FAM117B: variants seen among roughly 807,000 people sequenced by gnomAD.
FAM117B encodes family with sequence similarity 117 member B.
FAM117B carries 22 observed loss-of-function variants against 52.8 expected under a neutral mutation model. The ratio of observed to expected loss-of-function variants is 0.42; its 90% confidence interval spans 0.30 to 0.59. The LOEUF is 0.59. Ranked by LOEUF, FAM117B falls within the 20% of genes least tolerant of loss-of-function variation. The pLI is 0.22. For synonymous variants in FAM117B, 309 were observed against 324.1 expected, an observed-to-expected ratio of 0.95 and a Z score of 0.50; for missense variants, 678 against 802.6, an observed-to-expected ratio of 0.84 and a Z score of 1.88.
At chr2:202,703,104 A>C (rs951186235) in intron 2 of FAM117B, among the ~76,000 whole-genome samples, 52 of 152,322 alleles carry the variant, frequency 3.4e-4, no homozygotes, top group Non-Finnish European at 1.8e-4. Flanking sequence ...AATGTTGTGC[A>C]ACCATTGCTA....
intron 1 of FAM117B, among the ~76,000 whole-genome samples, chr2:202,665,446 A>C (rs1301923426): frequency 6.6e-6 from 1 of 152,130 alleles, no homozygotes; most frequent in Non-Finnish European, 1.5e-5. Flanking sequence ...TTGTGATTAG[A>C]TTGGGCCCTC....
At chr2:202,684,339 A>G (rs543735377) in intron 1 of FAM117B, among the ~76,000 whole-genome samples, 4 of 152,346 alleles carry the variant, frequency 2.6e-5, no homozygotes, top group Admixed American at 2.6e-4. Context: ...AAATTTGCCC[A>G]CTAGCTAAAA....
At chr2:202,709,531 C>T (rs550225524) in intron 2 of FAM117B, among the ~76,000 whole-genome samples, 1 of 152,192 alleles carries the variant, frequency 6.6e-6, no homozygotes, top group Admixed American at 6.5e-5. Context: ...AGTTTTATTG[C>T]CATTGAGTTG....
In FAM117B at chr2:202,722,830, T is replaced by TA. The variant is rs953661344; in HGVS notation, c.754-2075dup. ...TACATGTACCCTTGAACTTAAAAAT[T>TA]AAAAAAAAAAAATTCATTTGTTAAG... On this transcript the variant is annotated intron_variant, in intron 2 of 7. Coordinates refer to ENST00000392238, the MANE Select transcript of FAM117B (RefSeq NM_173511.4). Among the ~76,000 whole-genome samples, 132 of 147,326 alleles carry TA rather than the reference T, an allele frequency of 9.0e-4. 1 individual carries two copies. Among genetic ancestry groups the TA allele is most frequent in the East Asian group, 3.7e-3 (19 of 5,118 alleles).
intron 1 of FAM117B, among the ~76,000 whole-genome samples, chr2:202,666,664 ATTTC>A (rs1690208524): frequency 7.6e-6 from 1 of 132,020 alleles, no homozygotes; most frequent in South Asian, 2.3e-4. Flanking sequence ...GTTTCGTTTC[ATTTC>A]TTTTTTTTTT....
intron 7 of FAM117B, among the ~76,000 whole-genome samples, chr2:202,762,894 G>A (rs1488479381): frequency 2.0e-5 from 3 of 151,842 alleles, no homozygotes; most frequent in Non-Finnish European, 4.4e-5. Flanking sequence ...ATTATTTTGT[G>A]TGAGGTATAT....
At chr2:202,756,855 C>A (rs1339282756) in intron 5 of FAM117B, among the ~76,000 whole-genome samples, 2 of 152,076 alleles carry the variant, frequency 1.3e-5, no homozygotes, top group Admixed American at 1.3e-4. Flanking sequence ...TGATGAATAA[C>A]CTTTTTCCTC....
At chr2:202,731,332 AATATATATATATAT>A (rs35255766) in intron 4 of FAM117B, among the ~76,000 whole-genome samples, 433 of 30,768 alleles carry the variant, frequency 0.014, 21 homozygotes, top group Middle Eastern at 0.033. Context: ...GAGAAATTGG[AATATATATATATAT>A]ATATATATAT....
intron 4 of FAM117B, among the ~76,000 whole-genome samples, chr2:202,742,932 C>T (rs1275413749): frequency 6.6e-6 from 1 of 152,212 alleles, no homozygotes; most frequent in African/African-American, 2.4e-5. Flanking sequence ...GCTGCTGCCA[C>T]TGAGTCACAC....
At chr2:202,726,589 T>A (rs977990694) in intron 4 of FAM117B, among the ~76,000 whole-genome samples, 1 of 152,224 alleles carries the variant, frequency 6.6e-6, no homozygotes. Flanking sequence ...TAGCTACTTA[T>A]CTATTTTGGT....
chr2:202,755,706 C>T, intron 5 of FAM117B, 25 bp downstream of exon 5: 1 of 1,589,866 alleles, frequency 6.3e-7, no homozygotes, highest in Non-Finnish European at 8.6e-7. Context: ...ATCTTAAAAT[C>T]ATTCTTGAAC....
At chr2:202,673,707 C>T (rs1574550670) in intron 1 of FAM117B, among the ~76,000 whole-genome samples, 1 of 152,094 alleles carries the variant, frequency 6.6e-6, no homozygotes, top group South Asian at 2.1e-4. Flanking sequence ...CTCGGTCTCC[C>T]AAAGTGCTGG....
At chr2:202,669,114 T>C (rs1434352842) in intron 1 of FAM117B, among the ~76,000 whole-genome samples, 4 of 152,168 alleles carry the variant, frequency 2.6e-5, no homozygotes, top group Admixed American at 6.5e-5. Flanking sequence ...GATAAATCAA[T>C]AGACAGAGTG....
At position 202,769,081 on chromosome 2, in the gene FAM117B, G is replaced by C. The variant is rs1692030922; in HGVS notation, c.*3317G>C. 6.6e-6 allele frequency: 1 copy of C among 152,014 alleles called. No homozygotes were observed. The allele number at this position is 152,014 out of a possible 1,614,324, so 9.4% of individuals were successfully genotyped here. A position where few individuals can be genotyped will look rare whatever the true frequency, so the allele number is the denominator to read the frequency against. The stretch of plus-strand genomic sequence containing the variant: ...ATTTTTCAACTAGATTATTCAATTT[G>C]TTTTATATTTCTTATACTTAATACT... On this transcript the variant is annotated 3_prime_UTR_variant, in exon 8 of 8. Transcript: ENST00000392238.
chr2:202,710,705 C>T (rs1215163969), intron 2 of FAM117B, among the ~76,000 whole-genome samples: 1 of 152,078 alleles, frequency 6.6e-6, no homozygotes, highest in Non-Finnish European at 1.5e-5. Context: ...CCCTTCCCTT[C>T]TTGCCTGCTG....
chr2:202,676,585 G>A (rs374689996), intron 1 of FAM117B, among the ~76,000 whole-genome samples: 3 of 151,942 alleles, frequency 2.0e-5, no homozygotes, highest in East Asian at 1.9e-4. Flanking sequence ...TCACCATGTT[G>A]GTCAGGCTGG....
intron 4 of FAM117B, among the ~76,000 whole-genome samples, chr2:202,754,299 C>T (rs1194219590): frequency 6.6e-6 from 1 of 152,276 alleles, no homozygotes; most frequent in East Asian, 1.9e-4. Flanking sequence ...ACCGCATGTT[C>T]TCACTCATAA....
At chr2:202,705,658 A>G (rs1420208278) in intron 2 of FAM117B, among the ~76,000 whole-genome samples, 2 of 152,094 alleles carry the variant, frequency 1.3e-5, no homozygotes, top group Non-Finnish European at 1.5e-5. Flanking sequence ...CTGCCCCCAC[A>G]CTGCCTCCGT....
chr2:202,747,229 C>T (rs965369291), intron 4 of FAM117B, among the ~76,000 whole-genome samples: 1 of 152,112 alleles, frequency 6.6e-6, no homozygotes, highest in Non-Finnish European at 1.5e-5. Context: ...ATTCAGCACT[C>T]ATCCATGGTA....
Sources: allele counts gnomAD v4.1 joint callset (sites outside exome capture counted in the v4.1 genomes callset), GRCh38; gene constraint gnomAD v4.1.1; transcripts MANE v1.5; gene names NCBI Gene and HGNC (gene_info 2026-07-23, HGNC 2026-07-21).